OTOP1: variants seen among roughly 807,000 people sequenced by gnomAD.
OTOP1 encodes the protein proton channel OTOP1.
OTOP1 carries 59 observed loss-of-function variants against 52.9 expected under a neutral mutation model. That is an observed-to-expected ratio of 1.12 (90% CI 0.91 to 1.39). The LOEUF (loss-of-function observed/expected upper bound fraction) is 1.39. OTOP1 is among the 40% of genes most tolerant of loss of function. The pLI is 0.00. For missense variants in OTOP1, 761 were observed against 800.9 expected (o/e 0.95, Z 0.60); for synonymous variants, 317 against 337.7 (o/e 0.94, Z 0.67).
intron 2 of OTOP1, among the ~76,000 whole-genome samples, chr4:4,207,034 C>T (rs984846890): frequency 2.0e-5 from 3 of 152,196 alleles, no homozygotes; most frequent in Non-Finnish European, 4.4e-5. Flanking sequence ...AAATTTGTCT[C>T]ATTTAATCTT....
At chr4:4,220,290 AT>A (rs1198042355) in intron 1 of OTOP1, among the ~76,000 whole-genome samples, 1 of 151,782 alleles carries the variant, frequency 6.6e-6, no homozygotes, top group African/African-American at 2.4e-5. Flanking sequence ...AACTAGATAG[AT>A]CAAGTAGACA....
Position 4,225,200 on chromosome 4 carries a change from A to G in OTOP1, c.403+1262T>C, listed in dbSNP as rs1193054545. ...GGCCTCTCCTGGGAAGGTTACTCAG[A>G]CAGAAGCTTTCTTCACAAGCATGCT... On this transcript the variant is annotated intron_variant, in intron 1 of 5. Coordinates refer to ENST00000296358, the MANE Select transcript of OTOP1 (RefSeq NM_177998.3). Among the ~76,000 whole-genome samples the G allele has an allele frequency of 2.0e-5, 3 of 152,200 alleles. No homozygotes were observed. The East Asian group carries it at 5.8e-4, about 29-fold the overall frequency.
At chr4:4,218,418 A>G (rs1320602642) in intron 1 of OTOP1, among the ~76,000 whole-genome samples, 2 of 151,870 alleles carry the variant, frequency 1.3e-5, no homozygotes, top group Non-Finnish European at 2.9e-5. Flanking sequence ...TAAGTTGGAA[A>G]AGGACTGGAT....
chr4:4,220,135 T>C (rs1163611636), intron 1 of OTOP1, among the ~76,000 whole-genome samples: 1 of 140,768 alleles, frequency 7.1e-6, no homozygotes, highest in Non-Finnish European at 1.5e-5. Flanking sequence ...GGAGTTTCAC[T>C]CTTGTCGGCC....
At chr4:4,189,698 T>C (rs1716460883) in intron 5 of OTOP1, among the ~76,000 whole-genome samples, 1 of 152,220 alleles carries the variant, frequency 6.6e-6, no homozygotes, top group African/African-American at 2.4e-5. Context: ...CTCTTGCTCA[T>C]CTTCTCCTGT....
chr4:4,213,970 A>T (rs112687928), intron 1 of OTOP1, among the ~76,000 whole-genome samples: 1 of 152,116 alleles, frequency 6.6e-6, no homozygotes, highest in Non-Finnish European at 1.5e-5. Flanking sequence ...CATGCCTATA[A>T]TCCCAGCTAC....
chr4:4,207,208 TC>T (rs1716924265), intron 2 of OTOP1, among the ~76,000 whole-genome samples: 1 of 17,776 alleles, frequency 5.6e-5, no homozygotes. Context: ...CAGACAGCAG[TC>T]AGTGACTCCT....
chr4:4,202,208 G>A (rs1176068652), intron 4 of OTOP1, among the ~76,000 whole-genome samples: 2 of 152,170 alleles, frequency 1.3e-5, no homozygotes, highest in African/African-American at 4.8e-5. Context: ...AATAATCACC[G>A]TGGGTCTTAC....
Position 4,192,029 on chromosome 4 carries a change from T to C in OTOP1, c.1669-3056A>G, listed in dbSNP as rs947001037. On this transcript the variant is annotated intron_variant, in intron 5 of 5. Transcript: ENST00000296358. ...TCAGTTGGCTATAAATTCTTGTTAC[T>C]TATCCTATTGAGAAGTGGCCTATGA... Among the ~76,000 whole-genome samples the C allele has an allele frequency of 3.9e-5, 6 of 152,330 alleles. 1 individual carries two copies. Among genetic ancestry groups the C allele is most frequent in the African/African-American group, 1.4e-4 (6 of 41,582 alleles).
At chr4:4,213,157 G>A (rs969310550) in intron 1 of OTOP1, among the ~76,000 whole-genome samples, 153 bp from the exon 2 acceptor site, 3 of 152,290 alleles carry the variant, frequency 2.0e-5, no homozygotes, top group African/African-American at 4.8e-5. Context: ...ATGGGAAAAG[G>A]GCAGTCTTTT....
chr4:4,211,488 T>C (rs555771280), intron 2 of OTOP1, among the ~76,000 whole-genome samples: 2 of 152,284 alleles, frequency 1.3e-5, no homozygotes, highest in South Asian at 4.1e-4. Context: ...TGCAACAACA[T>C]GGGCAAATCT....
chr4:4,199,604 G>A (rs1716734493), intron 4 of OTOP1, among the ~76,000 whole-genome samples: 1 of 152,064 alleles, frequency 6.6e-6, no homozygotes, highest in Admixed American at 6.6e-5. Flanking sequence ...GTAGAGACAG[G>A]GTTCCGCCAC....
At chr4:4,220,048 T>C (rs1382885504) in intron 1 of OTOP1, among the ~76,000 whole-genome samples, 2 of 125,692 alleles carry the variant, frequency 1.6e-5, no homozygotes, top group Non-Finnish European at 3.2e-5. Flanking sequence ...TATACATATA[T>C]ACATATACGT....
At chr4:4,222,080 T>C (rs1222858906) in intron 1 of OTOP1, among the ~76,000 whole-genome samples, 1 of 152,188 alleles carries the variant, frequency 6.6e-6, no homozygotes, top group Non-Finnish European at 1.5e-5. Flanking sequence ...TAGACACGAA[T>C]TGGCATTTAC....
Position 4,226,907 on chromosome 4 carries a change from C to T in OTOP1, c.-43G>A, listed in dbSNP as rs1577188394. On this transcript the variant is annotated 5_prime_UTR_variant, in exon 1 of 6. Coordinates refer to ENST00000296358, the MANE Select transcript of OTOP1 (RefSeq NM_177998.3). The stretch of plus-strand genomic sequence containing the variant: ...CAAGTCTGGTCCCGGGGGTGGCTGC[C>T]GTCGGGCCCCGCCTGCGCTCCTGGC... 5 of 1,292,180 alleles carry T rather than the reference C, an allele frequency of 3.9e-6. No homozygotes were observed. In the East Asian group the frequency reaches 1.3e-4, roughly 33 times the overall value. 80.0% of individuals were successfully genotyped at this position (1,292,180 alleles called of 1,614,324 possible).
intron 2 of OTOP1, among the ~76,000 whole-genome samples, chr4:4,208,198 C>A (rs1716950323): frequency 6.6e-6 from 1 of 152,180 alleles, no homozygotes; most frequent in African/African-American, 2.4e-5. Context: ...TTCAACACAG[C>A]TATTTTAGGG....
At chr4:4,212,159 C>T (rs1361278215) in intron 2 of OTOP1, among the ~76,000 whole-genome samples, 4 of 152,270 alleles carry the variant, frequency 2.6e-5, no homozygotes, top group Admixed American at 6.5e-5. Context: ...ACTCTGATAA[C>T]ATTACCATGG....
chr4:4,225,804 A>AG (rs1481552236), intron 1 of OTOP1, among the ~76,000 whole-genome samples: 1 of 152,016 alleles, frequency 6.6e-6, no homozygotes, highest in Non-Finnish European at 1.5e-5. Flanking sequence ...AGTGGAGTGG[A>AG]GGGTACAGAC....
intron 3 of OTOP1, 117 bp downstream of exon 3, chr4:4,205,955 G>A (rs375932701): frequency 6.9e-6 from 6 of 872,564 alleles, no homozygotes; most frequent in South Asian, 4.4e-5. Flanking sequence ...TTAGCTTTCA[G>A]GACTGAGGGG....
Sources: allele counts gnomAD v4.1 joint callset (sites outside exome capture counted in the v4.1 genomes callset), GRCh38; gene constraint gnomAD v4.1.1; transcripts MANE v1.5; gene names NCBI Gene and HGNC (gene_info 2026-07-23, HGNC 2026-07-21).